Variants in TRPM7 observed in about 807,000 individuals in gnomAD.
TRPM7 encodes transient receptor potential cation channel subfamily M member 7, also known as LTRPC ion channel family member 7.
In TRPM7, 134 loss-of-function variants were observed where a neutral mutation model predicts 229.7. The ratio of observed to expected loss-of-function variants is 0.58; its 90% confidence interval spans 0.51 to 0.67. The LOEUF is 0.67. Among genes scored for constraint, TRPM7 ranks in the 30% least tolerant of loss-of-function variants. The pLI is 0.00. For synonymous variants in TRPM7, 699 were observed against 715.2 expected, an observed-to-expected ratio of 0.98 and a Z score of 0.36; for missense variants, 1,901 against 2,210.0, an observed-to-expected ratio of 0.86 and a Z score of 2.80.
At chr15:50,615,308 ATGT>A (rs1316769762) in intron 13 of TRPM7, among the ~76,000 whole-genome samples, 5 of 152,062 alleles carry the variant, frequency 3.3e-5, no homozygotes, top group Non-Finnish European at 7.4e-5. Flanking sequence ...CCAGAAATAC[ATGT>A]TAAGTATTTT....
chr15:50,596,014 G>GA (rs1264068000), intron 23 of TRPM7, among the ~76,000 whole-genome samples: 7 of 152,090 alleles, frequency 4.6e-5, no homozygotes, highest in African/African-American at 7.2e-5. Flanking sequence ...GGCAACCGAG[G>GA]AAAAATCCCA....
At chr15:50,593,466 T>C (rs1041949951) in intron 25 of TRPM7, 151 bp downstream of exon 25, 23 of 798,522 alleles carry the variant, frequency 2.9e-5, no homozygotes, top group Non-Finnish European at 4.4e-5. Context: ...GAAGTATTAA[T>C]AGAACTGAAC....
intron 1 of TRPM7, among the ~76,000 whole-genome samples, chr15:50,669,755 C>T (rs2061950577): frequency 6.6e-6 from 1 of 151,610 alleles, no homozygotes; most frequent in Non-Finnish European, 1.5e-5. Context: ...TCCTGTGAAC[C>T]AATCAGTGAT....
chr15:50,681,725 C>T (rs923757476), intron 1 of TRPM7, among the ~76,000 whole-genome samples: 2 of 152,166 alleles, frequency 1.3e-5, no homozygotes, highest in Non-Finnish European at 2.9e-5. Context: ...TTAAGGTTTC[C>T]AGAAGTCTGG....
intron 31 of TRPM7, among the ~76,000 whole-genome samples, chr15:50,578,193 C>T (rs557784069): frequency 6.6e-6 from 1 of 152,164 alleles, no homozygotes; most frequent in Non-Finnish European, 1.5e-5. Flanking sequence ...ATGCACTATA[C>T]ACTTCGATAA....
At chr15:50,599,096 T>C in intron 22 of TRPM7, 26 bp downstream of exon 22, 1 of 1,513,806 alleles carries the variant, frequency 6.6e-7, no homozygotes, top group Non-Finnish European at 9.0e-7. Flanking sequence ...AACCAAAAGA[T>C]AAATCTGTAA....
chr15:50,622,576 G>C (rs1169727418), intron 12 of TRPM7, among the ~76,000 whole-genome samples: 3 of 152,150 alleles, frequency 2.0e-5, no homozygotes, highest in African/African-American at 7.2e-5. Context: ...ACGCAAATGT[G>C]CTACACATAC....
intron 27 of TRPM7, among the ~76,000 whole-genome samples, chr15:50,589,193 G>A (rs138021069): frequency 5.3e-5 from 8 of 152,004 alleles, no homozygotes; most frequent in Admixed American, 2.6e-4. Context: ...ATGGTGATGC[G>A]CACCTGTAAT....
intron 30 of TRPM7, among the ~76,000 whole-genome samples, chr15:50,580,400 T>G (rs532167147): frequency 6.6e-6 from 1 of 152,306 alleles, no homozygotes; most frequent in East Asian, 1.9e-4. Context: ...GATTACCACA[T>G]CAGCTTTCTA....
chr15:50,597,447 C>A (rs1018776549), intron 22 of TRPM7, among the ~76,000 whole-genome samples: 1 of 152,078 alleles, frequency 6.6e-6, no homozygotes, highest in African/African-American at 2.4e-5. Flanking sequence ...AATGGTTTTA[C>A]GGGCAAATTA....
intron 1 of TRPM7, among the ~76,000 whole-genome samples, chr15:50,677,001 T>A (rs548111029): frequency 1.3e-5 from 2 of 152,166 alleles, no homozygotes; most frequent in African/African-American, 4.8e-5. Flanking sequence ...GTTTGGAGTT[T>A]GAGTACAATG....
At chr15:50,681,477 CTAATTA>C (rs1192080122) in intron 1 of TRPM7, among the ~76,000 whole-genome samples, 1 of 152,140 alleles carries the variant, frequency 6.6e-6, no homozygotes, top group Non-Finnish European at 1.5e-5. Flanking sequence ...TCTTTCTAGT[CTAATTA>C]TGTTTCTCCA....
In TRPM7 at chr15:50,561,437, A is replaced by G. The variant is rs187001376; in HGVS notation, c.*241T>C. 112 of 409,830 alleles carry G rather than the reference A, an allele frequency of 2.7e-4. No homozygotes were observed. Among genetic ancestry groups the G allele is most frequent in the African/African-American group, 2.0e-3 (94 of 48,080 alleles). 25.4% of individuals were successfully genotyped at this position (409,830 alleles called of 1,614,324 possible). A position where few individuals can be genotyped will look rare whatever the true frequency, so the allele number is the denominator to read the frequency against. On this transcript the variant is annotated 3_prime_UTR_variant, in exon 39 of 39. Transcript: ENST00000646667. Reference sequence around the variant, plus strand: ...CTGCTATACAAAGAGCCCTTTAAAAAGTTATAAATACTAATTATCAATTAC... The same window carrying G: ...CTGCTATACAAAGAGCCCTTTAAAAGGTTATAAATACTAATTATCAATTAC...
At position 50,574,225 on chromosome 15, in the gene TRPM7, T is replaced by C. The variant is rs761557354; in HGVS notation, c.5308+49A>G. On this transcript the variant is annotated intron_variant, in intron 36 of 38. Transcript: ENST00000646667. ...AGATTCTGTATAACATATGAATAGG[T>C]GAGAACCTACTGCAGAATTTCACCT... The C allele has an allele frequency of 4.3e-6, 6 of 1,404,378 alleles. No homozygotes were observed. The African/African-American group carries it at 8.5e-5, about 20-fold the overall frequency. 87.0% of individuals were successfully genotyped at this position (1,404,378 alleles called of 1,614,324 possible).
intron 7 of TRPM7, among the ~76,000 whole-genome samples, chr15:50,635,459 C>A (rs1005575585): frequency 4.0e-5 from 6 of 150,888 alleles, no homozygotes; most frequent in African/African-American, 1.5e-4. Flanking sequence ...GTCAGGAGAT[C>A]GAGACCTTCC....
chr15:50,613,299 C>T (rs1031374399), intron 15 of TRPM7, among the ~76,000 whole-genome samples: 1 of 151,912 alleles, frequency 6.6e-6, no homozygotes, highest in Non-Finnish European at 1.5e-5. Context: ...GTCAAGAGAT[C>T]GAGACCATAC....
chr15:50,645,036 G>A (rs1046322373), intron 4 of TRPM7, among the ~76,000 whole-genome samples: 3 of 151,558 alleles, frequency 2.0e-5, no homozygotes, highest in African/African-American at 2.4e-5. Flanking sequence ...CAAGCAGCTG[G>A]GACTACAGAC....
At chr15:50,658,457 C>T (rs1429136817) in intron 2 of TRPM7, among the ~76,000 whole-genome samples, 4 of 151,618 alleles carry the variant, frequency 2.6e-5, no homozygotes, top group African/African-American at 9.7e-5. Context: ...ATAGTCCTAG[C>T]TACTAGGGAG....
At chr15:50,662,815 T>G in intron 2 of TRPM7, 152 bp downstream of exon 2, 1 of 665,694 alleles carries the variant, frequency 1.5e-6, no homozygotes, top group Non-Finnish European at 2.6e-6. Flanking sequence ...CTCCTCCCAA[T>G]CCCTCCCAAA....
Sources: gnomAD v4.1 joint callset for allele counts (sites outside exome capture counted in the v4.1 genomes callset) on GRCh38, gnomAD v4.1.1 for gene constraint, MANE v1.5 for transcripts, NCBI Gene and HGNC (gene_info 2026-07-23, HGNC 2026-07-21) for gene names.